BCAS3: variants seen among roughly 807,000 people sequenced by gnomAD.
BCAS3 encodes the protein BCAS3 microtubule associated cell migration factor.
BCAS3 carries 53 observed loss-of-function variants against 116.1 expected under a neutral mutation model. The observed-to-expected ratio is 0.46, with a 90% CI of 0.37 to 0.57. The LOEUF (loss-of-function observed/expected upper bound fraction) is 0.57, where lower values mean the gene tolerates loss of function less well. BCAS3 is among the 20% of genes least tolerant of loss of function. The pLI, the probability that BCAS3 is intolerant of heterozygous loss-of-function variation, is 0.00. For missense variants in BCAS3, 917 were observed against 1,165.4 expected (o/e 0.79, Z 3.10); for synonymous variants, 391 against 408.2 (o/e 0.96, Z 0.51).
rs2081086879 is a variant in BCAS3, at chr17:61,205,792, G to A, written c.2425+121228G>A. Among the ~76,000 whole-genome samples the A allele has an allele frequency of 6.6e-6, 1 of 152,168 alleles. No homozygotes were observed. Among genetic ancestry groups the A allele is most frequent in the South Asian group, 2.1e-4 (1 of 4,824 alleles). ...TCTGAAGCTTTGTAGGAGCCGCAGA[G>A]TGTACCTAGTTTTGCCAGGCAAGGA... On this transcript the variant is annotated intron_variant, in intron 22 of 23. Coordinates refer to ENST00000407086, the MANE Select transcript of BCAS3 (RefSeq NM_017679.5). The surrounding 1 kb of genome is among the most constrained non-coding windows in gnomAD (Gnocchi z 5.2).
chr17:60,760,157 T>A (rs2043383370), intron 6 of BCAS3, among the ~76,000 whole-genome samples: 1 of 152,222 alleles, frequency 6.6e-6, no homozygotes, highest in South Asian at 2.1e-4. Context: ...TTTAAGCAGA[T>A]AATTTAATCA....
At chr17:60,921,168 G>A (rs1047675334) in intron 12 of BCAS3, among the ~76,000 whole-genome samples, 14 of 152,132 alleles carry the variant, frequency 9.2e-5, no homozygotes, top group Non-Finnish European at 1.5e-4. Context: ...CTAAGTGCCC[G>A]CCAGCAGTGG....
chr17:60,997,185 G>A (rs2063897981), intron 15 of BCAS3, among the ~76,000 whole-genome samples: 2 of 152,186 alleles, frequency 1.3e-5, no homozygotes. Context: ...CAGGAGGTGA[G>A]CTCAGGTGGT....
chr17:61,246,481 A>AAG (rs2047961792), intron 22 of BCAS3, among the ~76,000 whole-genome samples: 1 of 150,582 alleles, frequency 6.6e-6, no homozygotes, highest in Non-Finnish European at 1.5e-5. Flanking sequence ...GAAAAAAAAA[A>AAG]AAAAAAAAAA....
Position 61,106,573 on chromosome 17 carries a change from C to T in BCAS3, c.2425+22009C>T, listed in dbSNP as rs1240208914. ...CTCAGAACACATCTTTGTTGTTAAG[C>T]AATGCGTGGGTGTATAGTGTTGGTA... On this transcript the variant is annotated intron_variant, in intron 22 of 23. Transcript: ENST00000407086. The surrounding 1 kb of genome is among the most constrained non-coding windows in gnomAD (Gnocchi z 4.2). Among the ~76,000 whole-genome samples the T allele has an allele frequency of 6.6e-6, 1 of 152,152 alleles. No homozygotes were observed. The highest frequency in any genetic ancestry group is 1.9e-4 in the East Asian group (1 of 5,200).
At chr17:61,386,655 G>T (rs1238132974) in intron 23 of BCAS3, among the ~76,000 whole-genome samples, 1 of 152,186 alleles carries the variant, frequency 6.6e-6, no homozygotes, top group Non-Finnish European at 1.5e-5. Flanking sequence ...CCTGAGACTA[G>T]GGCTCAATGC....
At chr17:61,255,056 T>C (rs927807421) in intron 22 of BCAS3, among the ~76,000 whole-genome samples, 1 of 152,196 alleles carries the variant, frequency 6.6e-6, no homozygotes, top group Non-Finnish European at 1.5e-5. Context: ...GTTTCATTAA[T>C]CTCAATTTGT....
At chr17:61,111,400 T>C (rs901822889) in intron 22 of BCAS3, among the ~76,000 whole-genome samples, 1 of 149,592 alleles carries the variant, frequency 6.7e-6, no homozygotes, top group African/African-American at 2.4e-5. Context: ...AAGGAGCTGA[T>C]GGAGCTGAAA....
At chr17:60,741,937 T>C (rs1487099610) in intron 5 of BCAS3, among the ~76,000 whole-genome samples, 1 of 152,230 alleles carries the variant, frequency 6.6e-6, no homozygotes, top group Non-Finnish European at 1.5e-5. Context: ...TATTATGTTG[T>C]TTTCAAAATG....
chr17:61,302,118 T>C lies in BCAS3; in HGVS notation c.2426-66209T>C, dbSNP rs149464089. On this transcript the variant is annotated intron_variant, in intron 22 of 23. Coordinates refer to ENST00000407086, the MANE Select transcript of BCAS3 (RefSeq NM_017679.5). This position sits in a 1 kb window ranked among gnomAD's most constrained non-coding sequence, Gnocchi z 4.4. ...ATTCTCTACACATACAGTCAGCTCA[T>C]TACCTCCTCCCTGTCCCACTCTTGC... 3.3e-5 allele frequency among the ~76,000 whole-genome samples: 5 copies of C among 152,220 alleles called. No homozygotes were observed. The highest frequency in any genetic ancestry group is 1.2e-4 in the African/African-American group (5 of 41,540).
Position 61,300,506 on chromosome 17 carries a change from A to G in BCAS3, c.2426-67821A>G, listed in dbSNP as rs1329179917. Among the ~76,000 whole-genome samples, 2 of 152,216 alleles carry G rather than the reference A, an allele frequency of 1.3e-5. No homozygotes were observed. Among genetic ancestry groups the G allele is most frequent in the African/African-American group, 4.8e-5 (2 of 41,454 alleles). On this transcript the variant is annotated intron_variant, in intron 22 of 23. Coordinates refer to ENST00000407086, the MANE Select transcript of BCAS3 (RefSeq NM_017679.5). This position sits in a 1 kb window ranked among gnomAD's most constrained non-coding sequence, Gnocchi z 5.1. ...GTGCTTAAGTACCAGATTTCATTGC[A>G]GACTCTTTAGAAAAAATGTATGGCA...
In BCAS3 at chr17:60,951,675, C is replaced by T. The variant is rs544763135; in HGVS notation, c.1221+4323C>T. Among the ~76,000 whole-genome samples, 8 of 150,834 alleles carry T rather than the reference C, an allele frequency of 5.3e-5. No homozygotes were observed. In the South Asian group the frequency reaches 1.7e-3, roughly 32 times the overall value. ...TTCTGACATTTAAAGATCAATAGTT[C>T]TTAAAAGCTATGTATGTTTATTTCT... On this transcript the variant is annotated intron_variant, in intron 14 of 23. Transcript: ENST00000407086.
chr17:60,953,024 G>A (rs1269196805), intron 14 of BCAS3, among the ~76,000 whole-genome samples: 6 of 151,430 alleles, frequency 4.0e-5, no homozygotes, highest in African/African-American at 7.3e-5. Flanking sequence ...ATTGATAGGC[G>A]TTTAGGTTGA....
rs2076189247 is a variant in BCAS3 at position 61,128,952 on chromosome 17, T to A, written c.2425+44388T>A. Among the ~76,000 whole-genome samples, 1 of 152,232 alleles carries A rather than the reference T, an allele frequency of 6.6e-6. No homozygotes were observed. The highest frequency in any genetic ancestry group is 1.9e-4 in the East Asian group (1 of 5,202). Reference sequence around the variant, plus strand: ...CCTAAGGTGGAGAGGGGGACAGGGCTATATTGAGTTCTCCGCAGTTTTCTA... The same window carrying A: ...CCTAAGGTGGAGAGGGGGACAGGGCAATATTGAGTTCTCCGCAGTTTTCTA... On this transcript the variant is annotated intron_variant, in intron 22 of 23. Coordinates refer to ENST00000407086, the MANE Select transcript of BCAS3 (RefSeq NM_017679.5). This position sits in a 1 kb window ranked among gnomAD's most constrained non-coding sequence, Gnocchi z 4.1.
At chr17:61,177,090 T>A (rs902699972) in intron 22 of BCAS3, among the ~76,000 whole-genome samples, 3 of 152,258 alleles carry the variant, frequency 2.0e-5, no homozygotes, top group Non-Finnish European at 4.4e-5. Flanking sequence ...GGAGCTCTTG[T>A]ACATTGCTTT....
rs1228341123 is a variant in BCAS3, at chr17:61,361,583, A to G, written c.2426-6744A>G. 1 of 152,104 alleles carries G rather than the reference A, an allele frequency of 6.6e-6. No homozygotes were observed. Among genetic ancestry groups the G allele is most frequent in the Non-Finnish European group, 1.5e-5 (1 of 68,022 alleles). 9.4% of individuals were successfully genotyped at this position (152,104 alleles called of 1,614,324 possible). A position where few individuals can be genotyped will look rare whatever the true frequency, so the allele number is the denominator to read the frequency against. ...ATAATATAGCTGTGGTATATATAAT[A>G]TATCTGTGGACACATCTGATGGCTA... On this transcript the variant is annotated intron_variant, in intron 22 of 23. Coordinates refer to ENST00000407086, the MANE Select transcript of BCAS3 (RefSeq NM_017679.5). This position sits in a 1 kb window ranked among gnomAD's most constrained non-coding sequence, Gnocchi z 6.5.
chr17:60,946,991 AT>A (rs1263213659), intron 13 of BCAS3, among the ~76,000 whole-genome samples: 1 of 152,232 alleles, frequency 6.6e-6, no homozygotes, highest in Non-Finnish European at 1.5e-5. Context: ...CAGGAATGCC[AT>A]AATACTTGCA....
rs1173420593 is a variant in BCAS3, at chr17:61,392,164, CT to C, written c.*40del. 2 of 1,599,770 alleles carry C rather than the reference CT, an allele frequency of 1.3e-6. No individual in the cohort carries two copies. Among genetic ancestry groups the C allele is most frequent in the Non-Finnish European group, 1.7e-6 (2 of 1,171,996 alleles). On this transcript the variant is annotated 3_prime_UTR_variant, in exon 24 of 24. Transcript: ENST00000407086. This position sits in a 1 kb window ranked among gnomAD's most constrained non-coding sequence, Gnocchi z 6.4. Reference sequence around the variant, plus strand: ...GCTTCTGACTGGCCAGCCCCCTCCCCTGCTGGAGGAGGGGAGAAGCCCCGCT... The same window carrying C: ...GCTTCTGACTGGCCAGCCCCCTCCCCGCTGGAGGAGGGGAGAAGCCCCGCT...
intron 13 of BCAS3, among the ~76,000 whole-genome samples, chr17:60,941,088 C>G (rs2060197131): frequency 6.6e-6 from 1 of 152,124 alleles, no homozygotes; most frequent in Non-Finnish European, 1.5e-5. Context: ...AGCTTGAATC[C>G]CCACCCTCTA....
Sources: gnomAD v4.1 joint callset for allele counts (sites outside exome capture counted in the v4.1 genomes callset) on GRCh38, gnomAD v4.1.1 for gene constraint, Gnocchi (gnomAD v3.1) non-coding constraint, MANE v1.5 for transcripts, NCBI Gene and HGNC (gene_info 2026-07-23, HGNC 2026-07-21) for gene names.